ARL5B: variants seen among roughly 807,000 people sequenced by gnomAD.
The protein encoded by ARL5B is ADP-ribosylation factor-like protein 5B.
ARL5B carries 10 observed loss-of-function variants against 26.9 expected under a neutral mutation model. That is an observed-to-expected ratio of 0.37 (90% CI 0.23 to 0.63). The LOEUF (loss-of-function observed/expected upper bound fraction) is 0.63. Among genes scored for constraint, ARL5B ranks in the 30% least tolerant of loss-of-function variants. ARL5B has a pLI of 0.62. For missense variants in ARL5B, 167 were observed against 213.9 expected, an observed-to-expected ratio of 0.78 and a Z score of 1.37; for synonymous variants, 87 against 70.4, an observed-to-expected ratio of 1.24 and a Z score of -1.18.
intron 5 of ARL5B, among the ~76,000 whole-genome samples, chr10:18,674,545 A>G (rs1300821848): frequency 6.6e-6 from 1 of 152,192 alleles, no homozygotes; most frequent in Non-Finnish European, 1.5e-5. Context: ...CTTTATTATT[A>G]GGAGGTCTTT....
At chr10:18,659,964 A>G in intron 1 of ARL5B, 3 of 983,566 alleles carry the variant, frequency 3.1e-6, no homozygotes, top group Non-Finnish European at 3.6e-6. Context: ...ACAGCTAATG[A>G]TGCCAGGAGG....
chr10:18,673,925 G>T, intron 4 of ARL5B, 59 bp from the exon 5 acceptor site: 1 of 1,495,592 alleles, frequency 6.7e-7, no homozygotes, highest in Non-Finnish European at 9.0e-7. Flanking sequence ...TAACTGTTCA[G>T]CTGGGTAAAT....
chr10:18,671,971 A>C (rs2059889721), intron 3 of ARL5B, among the ~76,000 whole-genome samples: 1 of 152,098 alleles, frequency 6.6e-6, no homozygotes, highest in Non-Finnish European at 1.5e-5. Flanking sequence ...CTTATTTTTT[A>C]ATATGCAAAC....
chr10:18,675,111 G>T (rs893372494), intron 5 of ARL5B, 57 bp from the exon 6 acceptor site: 4 of 1,514,996 alleles, frequency 2.6e-6, no homozygotes, highest in Non-Finnish European at 3.7e-6. Context: ...TAATAAGTAC[G>T]CTTTCAGTTT....
chr10:18,681,101 G>A lies in ARL5B; in HGVS notation c.*5885G>A, dbSNP rs2059930172. The A allele has an allele frequency of 6.6e-6, 1 of 152,144 alleles. No homozygotes were observed. Among genetic ancestry groups the A allele is most frequent in the Non-Finnish European group, 1.5e-5 (1 of 68,020 alleles). 9.4% of individuals were successfully genotyped at this position (152,144 alleles called of 1,614,324 possible). The stretch of plus-strand genomic sequence containing the variant: ...CATTACTATGCTTGGTCAACTGGAA[G>A]ATGGTATTAATAAGGTCAGAATTAG... On this transcript the variant is annotated 3_prime_UTR_variant, in exon 6 of 6. Transcript: ENST00000377275.
chr10:18,675,150 C>G lies in ARL5B; in HGVS notation c.492-18C>G, dbSNP rs576896446. ...AGTATAAGGTTTTTAATTAAAAATACTTCTATCTTTTGTTTAGGTTATGCC... is the reference window on the plus strand; with the variant it reads ...AGTATAAGGTTTTTAATTAAAAATAGTTCTATCTTTTGTTTAGGTTATGCC... On this transcript the variant is annotated intron_variant, in intron 5 of 5. Transcript: ENST00000377275. The G allele has an allele frequency of 6.2e-7, 1 of 1,609,444 alleles. No homozygotes were observed. The highest frequency in any genetic ancestry group is 8.5e-7 in the Non-Finnish European group (1 of 1,176,776).
In ARL5B at chr10:18,679,080, G is replaced by T. The variant is rs2059922230; in HGVS notation, c.*3864G>T. The T allele has an allele frequency of 6.6e-6, 1 of 151,660 alleles. No individual in the cohort carries two copies. The highest frequency in any genetic ancestry group is 2.1e-4 in the South Asian group (1 of 4,818). The allele number at this position is 151,660 out of a possible 1,614,324, so 9.4% of individuals were successfully genotyped here. On this transcript the variant is annotated 3_prime_UTR_variant, in exon 6 of 6. Transcript: ENST00000377275. Reference sequence around the variant, plus strand: ...TGATTCCCACCTGTTATTTTATTTAGAATACGAATACAACCAAGTAGGGAA... The same window carrying T: ...TGATTCCCACCTGTTATTTTATTTATAATACGAATACAACCAAGTAGGGAA...
chr10:18,674,266 A>G (rs2059900914), intron 5 of ARL5B, 131 bp downstream of exon 5: 4 of 797,422 alleles, frequency 5.0e-6, no homozygotes, highest in Non-Finnish European at 7.2e-6. Flanking sequence ...GACTTTTATA[A>G]TGTGTCTCAG....
Position 18,678,480 on chromosome 10 carries a change from T to A in ARL5B, c.*3264T>A, listed in dbSNP as rs2059919341. The A allele has an allele frequency of 6.6e-6, 1 of 151,936 alleles. No individual in the cohort carries two copies. Among genetic ancestry groups the A allele is most frequent in the Non-Finnish European group, 1.5e-5 (1 of 67,810 alleles). 9.4% of individuals were successfully genotyped at this position (151,936 alleles called of 1,614,324 possible). A position where few individuals can be genotyped will look rare whatever the true frequency, so the allele number is the denominator to read the frequency against. On this transcript the variant is annotated 3_prime_UTR_variant, in exon 6 of 6. Coordinates refer to ENST00000377275, the MANE Select transcript of ARL5B (RefSeq NM_178815.5). ...GGGTCACAAAGAAAATTTTAAAGAATATAGAAGCTTTTTTAAAAAATCTTT... is the reference window on the plus strand; with the variant it reads ...GGGTCACAAAGAAAATTTTAAAGAAAATAGAAGCTTTTTTAAAAAATCTTT...
intron 1 of ARL5B, among the ~76,000 whole-genome samples, chr10:18,660,576 TTTGTTACTGCTA>T (rs1448320440): frequency 1.2e-3 from 188 of 152,340 alleles, no homozygotes; most frequent in African/African-American, 4.2e-3. Context: ...TTGGTACCAA[TTTGTTACTGCTA>T]ATGTAGGTAT....
At chr10:18,673,885 C>T (rs1209661506) in intron 4 of ARL5B, 99 bp from the exon 5 acceptor site, 21 of 1,085,492 alleles carry the variant, frequency 1.9e-5, no homozygotes, top group African/African-American at 4.9e-5. Flanking sequence ...TACTAGTGCC[C>T]GATTATGTTA....
At chr10:18,666,965 G>T (rs2059863988) in intron 2 of ARL5B, among the ~76,000 whole-genome samples, 1 of 152,150 alleles carries the variant, frequency 6.6e-6, no homozygotes, top group Non-Finnish European at 1.5e-5. Context: ...TAAATTGATA[G>T]CTCTAGGAAG....
intron 3 of ARL5B, among the ~76,000 whole-genome samples, chr10:18,671,670 C>G (rs1365244882): frequency 1.3e-5 from 2 of 151,190 alleles, no homozygotes; most frequent in Non-Finnish European, 2.9e-5. Context: ...TCACCCACCC[C>G]CCACATTTTT....
chr10:18,674,837 G>A (rs998644323), intron 5 of ARL5B, among the ~76,000 whole-genome samples: 3 of 152,086 alleles, frequency 2.0e-5, no homozygotes, highest in Non-Finnish European at 4.4e-5. Context: ...GAATTGAGGA[G>A]GATAAGGTGA....
chr10:18,660,712 A>T (rs1353442169), intron 1 of ARL5B, among the ~76,000 whole-genome samples: 1 of 152,178 alleles, frequency 6.6e-6, no homozygotes. Flanking sequence ...ATAAATATAG[A>T]TACAGGCACA....
rs1235589468 is a variant in ARL5B, at chr10:18,675,209, T to A, written c.533T>A (p.Val178Glu). 7.4e-6 allele frequency: 12 copies of A among 1,613,002 alleles called. No homozygotes were observed. The Admixed American group carries it at 1.5e-4, about 20-fold the overall frequency. Residue 178 changes from valine (V) to glutamate (E), a missense_variant, in exon 6 of 6, where the codon GTG (valine) becomes GAG (glutamate). Transcript: ENST00000377275. ...GLEWMTSRIGVR is the reference protein window; with the variant it reads ...GLEWMTSRIGER The stretch of plus-strand genomic sequence containing the variant: ...GAGTGGATGACCTCCCGGATTGGTG[T>A]GAGATAACTTTTTTGCTTGAAAGAG...
Position 18,675,150 on chromosome 10 carries a change from C to T in ARL5B, c.492-18C>T. On this transcript the variant is annotated intron_variant, in intron 5 of 5. Transcript: ENST00000377275. Reference sequence around the variant, plus strand: ...AGTATAAGGTTTTTAATTAAAAATACTTCTATCTTTTGTTTAGGTTATGCC... The same window carrying T: ...AGTATAAGGTTTTTAATTAAAAATATTTCTATCTTTTGTTTAGGTTATGCC... 3 of 1,609,444 alleles carry T rather than the reference C, an allele frequency of 1.9e-6. No individual in the cohort carries two copies. Among genetic ancestry groups the T allele is most frequent in the Non-Finnish European group, 2.5e-6 (3 of 1,176,776 alleles).
Position 18,668,612 on chromosome 10 carries a change from A to G in ARL5B, c.190A>G (p.Met64Val). Residue 64 changes from methionine to valine, a missense_variant, in exon 3 of 6, where the codon ATG becomes GTG. Transcript: ENST00000377275. Reference protein sequence around the residue: ...EIVVKNTHFLMWDIGGQESLR... With the variant: ...EIVVKNTHFLVWDIGGQESLR... ...AGTTGTGAAGAACACTCATTTTCTT[A>G]TGTGGGATATTGGTGGTCAGGAGTC... 1 of 1,614,152 alleles carries G rather than the reference A, an allele frequency of 6.2e-7. No homozygotes were observed. Among genetic ancestry groups the G allele is most frequent in the Non-Finnish European group, 8.5e-7 (1 of 1,180,002 alleles).
At position 18,659,603 on chromosome 10, in the gene ARL5B, G is replaced by A. The variant is rs770307553; in HGVS notation, c.-35G>A. On this transcript the variant is annotated 5_prime_UTR_variant, in exon 1 of 6. Coordinates refer to ENST00000377275, the MANE Select transcript of ARL5B (RefSeq NM_178815.5). ...GGGACCCGGCGCAGCGGCACCTGCT[G>A]CCGAGGGACCCCGCGGCCCGCCCCG... 1.9e-6 allele frequency: 3 copies of A among 1,601,342 alleles called. No individual in the cohort carries two copies. In the South Asian group the frequency reaches 3.3e-5, roughly 18 times the overall value.
Sources: gnomAD v4.1 joint callset for allele counts (sites outside exome capture counted in the v4.1 genomes callset) on GRCh38, gnomAD v4.1.1 for gene constraint, MANE v1.5 for transcripts, NCBI Gene and HGNC (gene_info 2026-07-23, HGNC 2026-07-21) for gene names.